C12orf42: variants seen among roughly 807,000 people sequenced by gnomAD.
The protein encoded by C12orf42 is uncharacterized protein C12orf42.
In C12orf42, 25 loss-of-function variants were observed where a neutral mutation model predicts 21.6. The ratio of observed to expected loss-of-function variants is 1.16; its 90% CI spans 0.84 to 1.62. The LOEUF (loss-of-function observed/expected upper bound fraction) is 1.62, where lower values mean the gene tolerates loss of function less well. Among genes scored for constraint, C12orf42 ranks in the 40% most tolerant of loss-of-function variants. C12orf42 has a pLI of 0.00. For missense variants in C12orf42, 483 were observed against 459.3 expected, an observed-to-expected ratio of 1.05 and a Z score of -0.47; for synonymous variants, 174 against 175.0, an observed-to-expected ratio of 0.99 and a Z score of 0.05.
At chr12:103,097,446 C>T in the C12orf42 span, among the ~76,000 whole-genome samples, 6 of 152,282 alleles carry the variant, frequency 3.9e-5, no homozygotes, top group South Asian at 2.1e-4. Context: ...AACAGAAATA[C>T]GAGTCTCATT....
the C12orf42 span, among the ~76,000 whole-genome samples, chr12:103,193,396 G>A: frequency 6.6e-6 from 1 of 151,102 alleles, no homozygotes; most frequent in South Asian, 2.1e-4. Context: ...AAATGTCAAG[G>A]CAGAAATAAA....
the C12orf42 span, among the ~76,000 whole-genome samples, chr12:103,080,013 G>T: frequency 6.6e-6 from 1 of 152,160 alleles, no homozygotes; most frequent in Non-Finnish European, 1.5e-5. Context: ...CGGCGGTAGA[G>T]TTGGCCTCCT....
At chr12:103,217,118 C>T in the C12orf42 span, among the ~76,000 whole-genome samples, 1 of 152,090 alleles carries the variant, frequency 6.6e-6, no homozygotes, top group African/African-American at 2.4e-5. Context: ...GCTGGGATTA[C>T]AAGCGTGAGC....
the C12orf42 span, among the ~76,000 whole-genome samples, chr12:103,075,522 A>G: frequency 6.6e-6 from 1 of 152,224 alleles, no homozygotes; most frequent in Non-Finnish European, 1.5e-5. Context: ...CTAAGAGCCT[A>G]AGCACAATAT....
intron 4 of C12orf42, among the ~76,000 whole-genome samples, chr12:103,354,091 C>A (rs562034212): frequency 7.2e-5 from 11 of 152,200 alleles, no homozygotes; most frequent in Non-Finnish European, 1.5e-4. Context: ...CTTATTCTAC[C>A]TAGGAGAAGC....
the C12orf42 span, among the ~76,000 whole-genome samples, chr12:103,539,299 G>A: frequency 1.3e-5 from 2 of 152,124 alleles, no homozygotes; most frequent in East Asian, 1.9e-4. Flanking sequence ...GTGTATGTGT[G>A]TGTGTGTGGG....
At chr12:103,382,961 C>A (rs1045818275) in intron 3 of C12orf42, among the ~76,000 whole-genome samples, 4 of 152,138 alleles carry the variant, frequency 2.6e-5, no homozygotes, top group African/African-American at 9.7e-5. Flanking sequence ...GCCCAAGCAG[C>A]AAAGACACTT....
the C12orf42 span, among the ~76,000 whole-genome samples, chr12:103,061,732 T>G: frequency 1.3e-5 from 2 of 152,034 alleles, no homozygotes; most frequent in Non-Finnish European, 2.9e-5. Flanking sequence ...TCTTTTTCCT[T>G]CTTTTTAATC....
At chr12:103,449,226 A>T (rs182862680) in intron 2 of C12orf42, among the ~76,000 whole-genome samples, 1 of 152,206 alleles carries the variant, frequency 6.6e-6, no homozygotes, top group Non-Finnish European at 1.5e-5. Flanking sequence ...TTCTAAGTGA[A>T]GTAACTCAGG....
At chr12:103,149,256 T>C in the C12orf42 span, among the ~76,000 whole-genome samples, 1 of 152,144 alleles carries the variant, frequency 6.6e-6, no homozygotes, top group African/African-American at 2.4e-5. Flanking sequence ...TTTGGGACCA[T>C]AAAATGTGGT....
intron 1 of C12orf42, among the ~76,000 whole-genome samples, chr12:103,487,399 T>C (rs1414980411): frequency 6.6e-6 from 1 of 152,214 alleles, no homozygotes; most frequent in Non-Finnish European, 1.5e-5. Flanking sequence ...TTAGAGTAAG[T>C]GTGATGTGGT....
chr12:103,408,683 A>G (rs947753349), intron 2 of C12orf42, among the ~76,000 whole-genome samples: 3 of 152,230 alleles, frequency 2.0e-5, no homozygotes, highest in Non-Finnish European at 2.9e-5. Context: ...TTTTTAACCT[A>G]TAGAGTACAT....
intron 10 of C12orf42, among the ~76,000 whole-genome samples, chr12:103,238,756 C>A (rs2033580139): frequency 6.6e-6 from 1 of 152,098 alleles, no homozygotes; most frequent in South Asian, 2.1e-4. Context: ...CTGTAGGATG[C>A]CCCAGTCAAA....
the C12orf42 span, among the ~76,000 whole-genome samples, chr12:103,532,257 C>T: frequency 6.6e-6 from 1 of 152,084 alleles, no homozygotes; most frequent in East Asian, 1.9e-4. Flanking sequence ...TGATGGATAC[C>T]GTGCAGCCGT....
chr12:103,108,158 TA>T, the C12orf42 span, among the ~76,000 whole-genome samples: 2 of 151,278 alleles, frequency 1.3e-5, no homozygotes, highest in African/African-American at 4.8e-5. Context: ...AAAAAATAAA[TA>T]AATTTAATCT....
chr12:103,103,122 T>G, the C12orf42 span, among the ~76,000 whole-genome samples: 2 of 152,212 alleles, frequency 1.3e-5, no homozygotes, highest in Non-Finnish European at 2.9e-5. Flanking sequence ...TCTCTCACCA[T>G]CATTTGCTAT....
intron 4 of C12orf42, among the ~76,000 whole-genome samples, chr12:103,364,328 G>A (rs1237156584): frequency 6.6e-6 from 1 of 151,890 alleles, no homozygotes; most frequent in Non-Finnish European, 1.5e-5. Context: ...AAAAATCTCT[G>A]GATACAGCAA....
intron 2 of C12orf42, among the ~76,000 whole-genome samples, chr12:103,456,799 T>C (rs539977242): frequency 1.3e-5 from 2 of 152,310 alleles, no homozygotes; most frequent in East Asian, 3.9e-4. Context: ...CTTCTTTCTT[T>C]TGGAAATTCC....
chr12:103,362,919 A>G (rs2044243717), intron 4 of C12orf42, among the ~76,000 whole-genome samples: 1 of 152,118 alleles, frequency 6.6e-6, no homozygotes, highest in South Asian at 2.1e-4. Context: ...TTTGGAAAAC[A>G]TATCTGGGGG....
Sources: gnomAD v4.1 joint callset for allele counts (sites outside exome capture counted in the v4.1 genomes callset) on GRCh38, gnomAD v4.1.1 for gene constraint, MANE v1.5 for transcripts, NCBI Gene and HGNC (gene_info 2026-07-23, HGNC 2026-07-21) for gene names.